The following MYO3B variants were observed in gnomAD, a reference collection of about 807,000 sequenced individuals.
The protein encoded by MYO3B is myosin IIIB.
MYO3B carries 156 observed loss-of-function variants against 174.6 expected under a neutral mutation model. The ratio of observed to expected loss-of-function variants is 0.89; its 90% confidence interval spans 0.78 to 1.02. The LOEUF (loss-of-function observed/expected upper bound fraction) is 1.02, where lower values mean the gene tolerates loss of function less well. Among genes scored for constraint, MYO3B ranks in the 50% least tolerant of loss-of-function variants. The pLI, the probability that MYO3B is intolerant of heterozygous loss-of-function variation, is 0.00. For missense variants in MYO3B, 1,632 were observed against 1,639.4 expected, an observed-to-expected ratio of 1.00 and a Z score of 0.08; for synonymous variants, 563 against 569.1, an observed-to-expected ratio of 0.99 and a Z score of 0.15.
At chr2:170,606,362 A>C (rs1694809663) in intron 32 of MYO3B, among the ~76,000 whole-genome samples, 2 of 152,134 alleles carry the variant, frequency 1.3e-5, no homozygotes, top group Non-Finnish European at 2.9e-5. Flanking sequence ...GGACATGGAG[A>C]TGCCATTTGC....
chr2:170,462,467 C>A (rs1341286602), intron 23 of MYO3B, among the ~76,000 whole-genome samples: 1 of 152,252 alleles, frequency 6.6e-6, no homozygotes, highest in African/African-American at 2.4e-5. Context: ...CTAACTCTCA[C>A]CCCTTTTAGC....
chr2:170,466,691 T>C lies in MYO3B; in HGVS notation c.2994T>C (p.Leu998=). Residue 998 remains leucine, a synonymous_variant, in exon 25 of 35, where the codon CTT becomes CTC. Transcript: ENST00000408978. ...GCCAGGGCTATTCCCACCGCATCCT[T>C]TTTGAAGAATTTGTGAAAAGGTCAG... The part of the protein sequence containing the change: ...IRRQGYSHRI[L]FEEFVKRYYY... 1 of 1,614,172 alleles carries C rather than the reference T, an allele frequency of 6.2e-7. No individual in the cohort carries two copies. Among genetic ancestry groups the C allele is most frequent in the Non-Finnish European group, 8.5e-7 (1 of 1,180,018 alleles).
At chr2:170,184,330 C>G (rs941579476) in intron 1 of MYO3B, among the ~76,000 whole-genome samples, 10 of 152,088 alleles carry the variant, frequency 6.6e-5, no homozygotes, top group African/African-American at 2.4e-4. Context: ...CATCCCTACT[C>G]CCCATCACCA....
At chr2:170,391,758 A>T (rs2094413653) in intron 15 of MYO3B, 140 bp downstream of exon 15, 1 of 588,226 alleles carries the variant, frequency 1.7e-6, no homozygotes, top group African/African-American at 2.0e-5. Flanking sequence ...AGGTGGCAGG[A>T]AGTATCCACC....
chr2:170,601,622 A>T, intron 32 of MYO3B: 2 of 1,253,636 alleles, frequency 1.6e-6, no homozygotes, highest in South Asian at 1.2e-5. Flanking sequence ...ATTCATCATC[A>T]TCTTCTTCAT....
chr2:170,370,536 G>A (rs2094233336), intron 9 of MYO3B, among the ~76,000 whole-genome samples: 1 of 151,546 alleles, frequency 6.6e-6, no homozygotes, highest in Non-Finnish European at 1.5e-5. Flanking sequence ...GAAGCAGCAG[G>A]AACTTGTGTT....
intron 7 of MYO3B, among the ~76,000 whole-genome samples, chr2:170,304,866 A>C (rs374862677): frequency 6.8e-6 from 1 of 146,340 alleles, no homozygotes; most frequent in Non-Finnish European, 1.5e-5. Flanking sequence ...TTTTTCCCCC[A>C]GTTTTCTTTT....
chr2:170,567,911 G>T (rs1039754856), intron 32 of MYO3B, among the ~76,000 whole-genome samples: 1 of 152,160 alleles, frequency 6.6e-6, no homozygotes, highest in Admixed American at 6.5e-5. Context: ...TTTTAAAGAA[G>T]TAGTAATATA....
chr2:170,608,869 A>G (rs1333456423), intron 32 of MYO3B, among the ~76,000 whole-genome samples: 1 of 152,162 alleles, frequency 6.6e-6, no homozygotes. Flanking sequence ...TTTTCCATCA[A>G]AATCTCCTCC....
intron 32 of MYO3B, among the ~76,000 whole-genome samples, chr2:170,574,633 T>C (rs1692672816): frequency 6.6e-6 from 1 of 152,138 alleles, no homozygotes; most frequent in South Asian, 2.1e-4. Context: ...CACGATTCTC[T>C]TGTAAAAAGG....
chr2:170,258,946 A>G (rs2093325329), intron 7 of MYO3B, among the ~76,000 whole-genome samples: 1 of 152,168 alleles, frequency 6.6e-6, no homozygotes. Context: ...GAGCCAAATC[A>G]AGAACACTGT....
At chr2:170,497,063 G>C (rs1686895562) in intron 25 of MYO3B, among the ~76,000 whole-genome samples, 1 of 152,150 alleles carries the variant, frequency 6.6e-6, no homozygotes, top group Non-Finnish European at 1.5e-5. Context: ...TGAGAAAATA[G>C]CAGAGGTAGG....
At chr2:170,651,170 C>T (rs1156727317) in intron 32 of MYO3B, among the ~76,000 whole-genome samples, 4 of 152,172 alleles carry the variant, frequency 2.6e-5, no homozygotes, top group African/African-American at 9.7e-5. Context: ...TCCCCCCCGA[C>T]AAAATGTATC....
At chr2:170,234,473 C>T (rs1419229538) in intron 6 of MYO3B, among the ~76,000 whole-genome samples, 1 of 152,164 alleles carries the variant, frequency 6.6e-6, no homozygotes, top group Non-Finnish European at 1.5e-5. Flanking sequence ...AACCACCTCC[C>T]AAAAGGATCC....
intron 7 of MYO3B, among the ~76,000 whole-genome samples, chr2:170,285,654 C>T (rs547877925): frequency 3.3e-5 from 5 of 152,224 alleles, no homozygotes; most frequent in South Asian, 4.1e-4. Context: ...CGTGAGCCAC[C>T]GTGCTCAGCT....
intron 7 of MYO3B, among the ~76,000 whole-genome samples, chr2:170,271,381 A>G (rs2093423923): frequency 6.6e-6 from 1 of 152,198 alleles, no homozygotes; most frequent in African/African-American, 2.4e-5. Flanking sequence ...GTGCCTACAG[A>G]TATAAATAAA....
intron 22 of MYO3B, among the ~76,000 whole-genome samples, chr2:170,422,464 T>C (rs2105859764): frequency 6.7e-6 from 1 of 148,392 alleles, no homozygotes; most frequent in East Asian, 2.0e-4. Context: ...ATTAGCCACT[T>C]TTTTTTTTTT....
At chr2:170,489,125 G>A (rs567360066) in intron 25 of MYO3B, among the ~76,000 whole-genome samples, 32 of 152,350 alleles carry the variant, frequency 2.1e-4, no homozygotes, top group Non-Finnish European at 4.4e-4. Flanking sequence ...GCCTGAATTA[G>A]AAGACCTGGT....
chr2:170,473,134 C>CT (rs1272222039), intron 25 of MYO3B, among the ~76,000 whole-genome samples: 8 of 115,932 alleles, frequency 6.9e-5, no homozygotes, highest in East Asian at 2.3e-4. Flanking sequence ...TTTTCTTTTT[C>CT]TTTTCTTTTT....
Sources: gnomAD v4.1 joint callset for allele counts (sites outside exome capture counted in the v4.1 genomes callset) on GRCh38, gnomAD v4.1.1 for gene constraint, MANE v1.5 for transcripts, NCBI Gene and HGNC (gene_info 2026-07-23, HGNC 2026-07-21) for gene names.